The following GRM7 variants were observed in gnomAD, a reference collection of about 807,000 sequenced individuals.
GRM7 encodes the protein glutamate metabotropic receptor 7, also known as metabotropic glutamate receptor 7.
Under a neutral mutation model 84.5 loss-of-function variants are expected in GRM7, and 35 were observed. That is an observed-to-expected ratio of 0.41 (90% CI 0.32 to 0.55). The LOEUF (loss-of-function observed/expected upper bound fraction) is 0.55, where lower values mean the gene tolerates loss of function less well. GRM7 is among the 20% of genes least tolerant of loss of function. The probability of loss-of-function intolerance (pLI) is 0.19; values close to 1 mark genes in which losing one functional copy is unlikely to be tolerated. For synonymous variants in GRM7, 487 were observed against 455.1 expected (o/e 1.07, Z -0.89); for missense variants, 1,003 against 1,194.6 (o/e 0.84, Z 2.36).
intron 1 of GRM7, among the ~76,000 whole-genome samples, chr3:6,947,715 A>G (rs1195800751): frequency 6.6e-6 from 1 of 152,150 alleles, no homozygotes; most frequent in Non-Finnish European, 1.5e-5. Flanking sequence ...GCTATTAATT[A>G]TTGCCTCAAT....
At chr3:7,187,145 T>C (rs1462392866) in intron 2 of GRM7, among the ~76,000 whole-genome samples, 1 of 152,128 alleles carries the variant, frequency 6.6e-6, no homozygotes, top group Non-Finnish European at 1.5e-5. Flanking sequence ...AGTTTTCAGA[T>C]CTTCATCAAT....
In GRM7 at chr3:7,680,026, G is replaced by A. The variant is rs1000696048; in HGVS notation, c.2452-23G>A. On this transcript the variant is annotated intron_variant, in intron 8 of 9. Transcript: ENST00000357716. ...CTGCAGTCATTTTATTTGTAATAGT[G>A]CCTTGTGTGTTGTGTCTCCTAGCTC... 8.7e-6 allele frequency: 14 copies of A among 1,612,360 alleles called. No homozygotes were observed. In the East Asian group the frequency reaches 2.7e-4, roughly 31 times the overall value.
chr3:7,649,831 A>T (rs1198442240), intron 8 of GRM7, among the ~76,000 whole-genome samples: 1 of 151,612 alleles, frequency 6.6e-6, no homozygotes, highest in Non-Finnish European at 1.5e-5. Flanking sequence ...GAAAAAAAAA[A>T]TAGGAAACAG....
chr3:7,182,918 A>G (rs1267958029), intron 2 of GRM7, among the ~76,000 whole-genome samples: 1 of 98,032 alleles, frequency 1.0e-5, no homozygotes, highest in African/African-American at 3.1e-5. Flanking sequence ...TTTTTTTTCA[A>G]TGAAAAAGAC....
chr3:7,406,360 C>CA (rs998936818), intron 4 of GRM7, among the ~76,000 whole-genome samples: 1 of 151,860 alleles, frequency 6.6e-6, no homozygotes, highest in African/African-American at 2.4e-5. Flanking sequence ...ATTAGCCAGG[C>CA]ATAGTGGCGG....
intron 9 of GRM7, chr3:7,681,475 A>T (rs1338697710): frequency 6.6e-6 from 1 of 152,256 alleles, no homozygotes; most frequent in Non-Finnish European, 1.5e-5. Context: ...CTATTTATGA[A>T]TAGTTGAGTG....
intron 7 of GRM7, among the ~76,000 whole-genome samples, chr3:7,463,528 C>T (rs114724195): frequency 3.3e-5 from 5 of 151,890 alleles, no homozygotes; most frequent in African/African-American, 1.2e-4. Flanking sequence ...CAAATGTGGT[C>T]CCTGTTCTTT....
intron 2 of GRM7, among the ~76,000 whole-genome samples, chr3:7,218,758 C>G (rs1696697757): frequency 6.6e-6 from 1 of 151,746 alleles, no homozygotes. Flanking sequence ...CTTTTCATAT[C>G]AATTTATTAG....
chr3:7,614,808 A>G (rs1244073192), intron 8 of GRM7, among the ~76,000 whole-genome samples: 7 of 152,038 alleles, frequency 4.6e-5, no homozygotes, highest in Admixed American at 1.3e-4. Context: ...AATTTAGTCA[A>G]CCCCCTTCCT....
At chr3:7,065,308 T>C (rs1329677258) in intron 1 of GRM7, among the ~76,000 whole-genome samples, 1 of 151,928 alleles carries the variant, frequency 6.6e-6, no homozygotes, top group Non-Finnish European at 1.5e-5. Flanking sequence ...TCTTCCAGAA[T>C]TTTTATAGTT....
chr3:7,649,946 TATA>T (rs1698848772), intron 8 of GRM7, among the ~76,000 whole-genome samples: 3 of 152,312 alleles, frequency 2.0e-5, no homozygotes, highest in African/African-American at 4.8e-5. Context: ...TTGTTATTTT[TATA>T]ATAATTACAG....
chr3:7,378,166 A>G (rs1275492390), intron 4 of GRM7, among the ~76,000 whole-genome samples: 1 of 152,184 alleles, frequency 6.6e-6, no homozygotes. Flanking sequence ...GCCCGGGAAG[A>G]GACAATACAC....
chr3:7,295,646 G>A (rs1699787691), intron 2 of GRM7, among the ~76,000 whole-genome samples: 1 of 152,152 alleles, frequency 6.6e-6, no homozygotes, highest in Non-Finnish European at 1.5e-5. Flanking sequence ...TCAGCACACA[G>A]ACCTTGTACA....
At chr3:7,614,951 T>C (rs908834385) in intron 8 of GRM7, among the ~76,000 whole-genome samples, 5 of 152,352 alleles carry the variant, frequency 3.3e-5, no homozygotes, top group African/African-American at 1.2e-4. Flanking sequence ...TGAACTGTGA[T>C]CTGACTTCAG....
rs112691973 is a variant in GRM7, at chr3:7,080,118, C to T, written c.520-66334C>T. 2.9e-3 allele frequency among the ~76,000 whole-genome samples: 437 copies of T among 152,142 alleles called. 1 individual carries two copies. Among genetic ancestry groups the T allele is most frequent in the Non-Finnish European group, 5.2e-3 (351 of 67,956 alleles). ...TTTTTATAGTGTCTTTATTTCTCTC[C>T]TTCCCACTCACTCCACAAACCTCTC... On this transcript the variant is annotated intron_variant, in intron 1 of 9. Transcript: ENST00000357716.
chr3:7,402,119 A>G (rs1300393146), intron 4 of GRM7, among the ~76,000 whole-genome samples: 2 of 152,100 alleles, frequency 1.3e-5, no homozygotes, highest in Non-Finnish European at 2.9e-5. Context: ...TTCTCAGCCT[A>G]TGTGGCTGCT....
chr3:7,474,227 T>C (rs1698827228), intron 7 of GRM7, among the ~76,000 whole-genome samples: 1 of 152,170 alleles, frequency 6.6e-6, no homozygotes, highest in South Asian at 2.1e-4. Flanking sequence ...CCATAATTGG[T>C]GCTATCAACA....
rs570477611 is a variant in GRM7 at position 7,665,333 on chromosome 3, G to A, written c.2452-14716G>A. Reference sequence around the variant, plus strand: ...ACTACAGGTGCCCGCCACCGCACCCGGCTAATTTTTTTTTTGTATTTTTAG... The same window carrying A: ...ACTACAGGTGCCCGCCACCGCACCCAGCTAATTTTTTTTTTGTATTTTTAG... On this transcript the variant is annotated intron_variant, in intron 8 of 9. Coordinates refer to ENST00000357716, the MANE Select transcript of GRM7 (RefSeq NM_000844.4). Among the ~76,000 whole-genome samples, 832 of 151,100 alleles carry A rather than the reference G, an allele frequency of 5.5e-3. 5 individuals are homozygous for A. The highest frequency in any genetic ancestry group is 0.018 in the African/African-American group (721 of 40,732).
At chr3:6,948,577 G>T (rs909860861) in intron 1 of GRM7, among the ~76,000 whole-genome samples, 1 of 152,128 alleles carries the variant, frequency 6.6e-6, no homozygotes, top group Non-Finnish European at 1.5e-5. Context: ...AGGTCCGCTT[G>T]GTGCAGAGCT....
Sources: allele counts gnomAD v4.1 joint callset (sites outside exome capture counted in the v4.1 genomes callset), GRCh38; gene constraint gnomAD v4.1.1; transcripts MANE v1.5; gene names NCBI Gene and HGNC (gene_info 2026-07-23, HGNC 2026-07-21).